Variants in DESI2 observed in about 807,000 individuals in gnomAD.
The protein encoded by DESI2 is desumoylating isopeptidase 2, also known as deubiquitinase DESI2.
DESI2 carries 10 observed loss-of-function variants against 24.1 expected under a neutral mutation model. The observed-to-expected ratio is 0.41, with a 90% confidence interval of 0.26 to 0.70. DESI2 has a LOEUF of 0.70. DESI2 is among the 30% of genes least tolerant of loss of function. The probability of loss-of-function intolerance (pLI) is 0.29; values close to 1 mark genes in which losing one functional copy is unlikely to be tolerated. For synonymous variants in DESI2, 71 were observed against 87.7 expected (o/e 0.81, Z 1.06); for missense variants, 122 against 234.9 (o/e 0.52, Z 3.14).
chr1:244,688,819 T>C (rs2148807235), intron 2 of DESI2, among the ~76,000 whole-genome samples: 1 of 152,338 alleles, frequency 6.6e-6, no homozygotes, highest in South Asian at 2.1e-4. Flanking sequence ...CAATAGTCTT[T>C]ATCCCAGAAA....
intron 1 of DESI2, among the ~76,000 whole-genome samples, chr1:244,683,234 C>CT (rs1182358746): frequency 1.4e-4 from 22 of 152,214 alleles, no homozygotes; most frequent in Admixed American, 1.3e-3. Context: ...AGATTCTTTG[C>CT]TAAAACCTGA....
At position 244,654,044 on chromosome 1, in the gene DESI2, T is replaced by G. The variant is rs899694794; in HGVS notation, c.42+689T>G. 8.5e-6 allele frequency: 4 copies of G among 470,506 alleles called. No individual in the cohort carries two copies. The East Asian group carries it at 2.8e-4, about 33-fold the overall frequency. 29.1% of individuals were successfully genotyped at this position (470,506 alleles called of 1,614,324 possible). ...TTTCCAGGTGATGCAACAGGTGACG[T>G]GACCACGGGAGAGGGAAGGGAAGAA... On this transcript the variant is annotated intron_variant, in intron 1 of 4. Coordinates refer to ENST00000302550, the MANE Select transcript of DESI2 (RefSeq NM_016076.5).
chr1:244,690,313 T>TA (rs1420872763), intron 3 of DESI2, among the ~76,000 whole-genome samples: 1 of 152,206 alleles, frequency 6.6e-6, no homozygotes, highest in Admixed American at 6.5e-5. Context: ...AGTGAGAACA[T>TA]ACGGTGTTTG....
At chr1:244,694,567 C>A (rs111435438) in intron 4 of DESI2, 13,599 of 792,936 alleles carry the variant, frequency 0.017, 168 homozygotes, top group Non-Finnish European at 0.023. Flanking sequence ...TGTCTTTTAG[C>A]CTTGGCACTG....
intron 1 of DESI2, among the ~76,000 whole-genome samples, chr1:244,663,607 T>C (rs1305810324): frequency 6.6e-6 from 1 of 152,224 alleles, no homozygotes; most frequent in Non-Finnish European, 1.5e-5. Context: ...TAGAGCATTA[T>C]CTACAGAGTA....
intron 1 of DESI2, among the ~76,000 whole-genome samples, chr1:244,668,502 A>G (rs760589267): frequency 6.6e-6 from 1 of 152,238 alleles, no homozygotes; most frequent in Non-Finnish European, 1.5e-5. Flanking sequence ...ACTTGCTTCA[A>G]TTCACTCAAC....
intron 4 of DESI2, chr1:244,694,547 A>C: frequency 1.3e-6 from 1 of 780,326 alleles, no homozygotes; most frequent in Non-Finnish European, 2.3e-6. Flanking sequence ...GACCAGTCCC[A>C]GTGGTATTTT....
In DESI2 at chr1:244,683,469, A is replaced by G. The variant is rs576508014; in HGVS notation, c.43-3128A>G. Among the ~76,000 whole-genome samples the G allele has an allele frequency of 1.7e-4, 25 of 151,438 alleles. No homozygotes were observed. The South Asian group carries it at 2.1e-3, about 13-fold the overall frequency. ...TGGGACTACAAGTGCCCGCCATCAC[A>G]CCCGGCTAATTTTTTGTATTTTCAG... On this transcript the variant is annotated intron_variant, in intron 1 of 4. Transcript: ENST00000302550.
intron 4 of DESI2, among the ~76,000 whole-genome samples, chr1:244,705,197 CTAATAA>C (rs1320993858): frequency 6.6e-6 from 1 of 152,170 alleles, no homozygotes; most frequent in East Asian, 1.9e-4. Flanking sequence ...TTCTATTACT[CTAATAA>C]TATATTGTAT....
In DESI2 at chr1:244,706,080, G is replaced by T; in HGVS notation, c.*291G>T. The T allele has an allele frequency of 3.3e-6, 1 of 306,626 alleles. No individual in the cohort carries two copies. 19.0% of individuals were successfully genotyped at this position (306,626 alleles called of 1,614,324 possible). ...AGTTATGTTTACAGTATCTTGTATC[G>T]CTGTTTACAAATCTTGCATGGACTC... is the stretch of plus-strand genomic sequence containing the variant. On this transcript the variant is annotated 3_prime_UTR_variant, in exon 5 of 5. Transcript: ENST00000302550.
chr1:244,705,751 G>A lies in DESI2; in HGVS notation c.547G>A (p.Ala183Thr), dbSNP rs1677671510. 1.2e-6 allele frequency: 2 copies of A among 1,613,032 alleles called. No individual in the cohort carries two copies. Among genetic ancestry groups the A allele is most frequent in the East Asian group, 2.2e-5 (1 of 44,892 alleles). Residue 183 changes from alanine (A) to threonine (T), a missense_variant, in exon 5 of 5, where the codon GCA becomes ACA. Ala to Thr is a moderately conservative substitution (Grantham distance 58). Coordinates refer to ENST00000302550, the MANE Select transcript of DESI2 (RefSeq NM_016076.5). ...CGCATCCGCTTCCGTGGCAAGCACT[G>A]CAGCAGGCTCCAGACCCGGGCGCCA... The part of the protein sequence containing the change: ...AAASASVAST[A>T]AGSRPGRHTK...
intron 4 of DESI2, among the ~76,000 whole-genome samples, chr1:244,695,957 A>G (rs1311425398): frequency 6.6e-6 from 1 of 152,052 alleles, no homozygotes; most frequent in Non-Finnish European, 1.5e-5. Context: ...TTTTGTGAAG[A>G]TGGAGTTGCA....
At chr1:244,682,873 C>CA (rs1676669421) in intron 1 of DESI2, among the ~76,000 whole-genome samples, 1 of 150,160 alleles carries the variant, frequency 6.7e-6, no homozygotes, top group Admixed American at 6.6e-5. Context: ...AAAAAAAACT[C>CA]AGTGATATTT....
intron 4 of DESI2, among the ~76,000 whole-genome samples, chr1:244,705,058 TAAAA>T (rs1248510962): frequency 1.3e-4 from 20 of 151,968 alleles, no homozygotes; most frequent in Admixed American, 1.2e-3. Flanking sequence ...AGTAAAGGGG[TAAAA>T]TGTAGACCAG....
intron 4 of DESI2, among the ~76,000 whole-genome samples, chr1:244,704,290 T>G (rs1677603741): frequency 6.6e-6 from 1 of 152,150 alleles, no homozygotes; most frequent in Non-Finnish European, 1.5e-5. Flanking sequence ...GATCACATGA[T>G]CATAATCTTT....
At chr1:244,693,473 C>A (rs1335974411) in intron 4 of DESI2, among the ~76,000 whole-genome samples, 1 of 151,882 alleles carries the variant, frequency 6.6e-6, no homozygotes, top group Admixed American at 6.6e-5. Context: ...TCTTTGTCAC[C>A]CAGGCTGGAG....
intron 4 of DESI2, chr1:244,694,430 T>G: frequency 1.3e-6 from 1 of 747,174 alleles, no homozygotes; most frequent in Non-Finnish European, 2.4e-6. Context: ...GTTGAAATTC[T>G]TAAGATGAAC....
At position 244,663,794 on chromosome 1, in the gene DESI2, G is replaced by A. The variant is rs541023388; in HGVS notation, c.42+10439G>A. 1.3e-4 allele frequency among the ~76,000 whole-genome samples: 20 copies of A among 151,964 alleles called. No individual in the cohort carries two copies. In the East Asian group the frequency reaches 1.4e-3, roughly 10 times the overall value. ...AGCACTTTGGGAGGCCAAGGTGGAC[G>A]GATCATGAGGTCAGGAGATCGAGAC... On this transcript the variant is annotated intron_variant, in intron 1 of 4. Coordinates refer to ENST00000302550, the MANE Select transcript of DESI2 (RefSeq NM_016076.5).
chr1:244,695,535 C>G (rs959472355), intron 4 of DESI2, among the ~76,000 whole-genome samples: 1 of 152,050 alleles, frequency 6.6e-6, no homozygotes, highest in Non-Finnish European at 1.5e-5. Flanking sequence ...CACCTGTAAT[C>G]CCAGCTACTC....
Sources: allele counts gnomAD v4.1 joint callset (sites outside exome capture counted in the v4.1 genomes callset), GRCh38; gene constraint gnomAD v4.1.1; transcripts MANE v1.5; gene names NCBI Gene and HGNC (gene_info 2026-07-23, HGNC 2026-07-21).